Variants in SLC28A3 observed in about 807,000 individuals in gnomAD.
The protein encoded by SLC28A3 is concentrative Na(+)-nucleoside cotransporter 3.
A neutral mutation model predicts 84.2 loss-of-function variants in SLC28A3; 68 were observed. The ratio of observed to expected loss-of-function variants is 0.81; its 90% CI spans 0.66 to 0.99. The LOEUF (loss-of-function observed/expected upper bound fraction) is 0.99. Ranked by LOEUF, SLC28A3 falls within the 50% of genes least tolerant of loss-of-function variation. SLC28A3 has a pLI of 0.00. For missense variants in SLC28A3, 712 were observed against 841.5 expected (o/e 0.85, Z 1.90); for synonymous variants, 267 against 303.6 (o/e 0.88, Z 1.25).
At chr9:84,280,455 C>A (rs908410231) in intron 15 of SLC28A3, among the ~76,000 whole-genome samples, 6 of 152,196 alleles carry the variant, frequency 3.9e-5, no homozygotes, top group Non-Finnish European at 8.8e-5. Context: ...GTGGCAGACA[C>A]CACTAAGAAA....
chr9:84,279,697 C>A (rs140566165), intron 16 of SLC28A3, among the ~76,000 whole-genome samples: 1 of 152,236 alleles, frequency 6.6e-6, no homozygotes, highest in Non-Finnish European at 1.5e-5. Context: ...TCAGGTGACC[C>A]GCCCGCCTTG....
intron 17 of SLC28A3, among the ~76,000 whole-genome samples, chr9:84,279,023 T>G (rs946735601): frequency 6.6e-6 from 1 of 152,116 alleles, no homozygotes; most frequent in Non-Finnish European, 1.5e-5. Flanking sequence ...GCTAGCCTTA[T>G]CTGAGAAAAG....
intron 10 of SLC28A3, among the ~76,000 whole-genome samples, chr9:84,290,564 G>T (rs1014067577): frequency 6.6e-6 from 1 of 152,026 alleles, no homozygotes; most frequent in Non-Finnish European, 1.5e-5. Context: ...TCGACGTCTG[G>T]GTTATTTGAA....
intron 6 of SLC28A3, among the ~76,000 whole-genome samples, chr9:84,299,291 G>A (rs1325915917): frequency 1.3e-5 from 2 of 152,180 alleles, no homozygotes; most frequent in Admixed American, 6.5e-5. Flanking sequence ...AAATGGATGA[G>A]TTTTCTCTGT....
chr9:84,313,129 A>C (rs1826046200), intron 2 of SLC28A3, among the ~76,000 whole-genome samples: 1 of 152,186 alleles, frequency 6.6e-6, no homozygotes, highest in South Asian at 2.1e-4. Flanking sequence ...CTAATAGTGA[A>C]GTGATGCTTC....
intron 14 of SLC28A3, among the ~76,000 whole-genome samples, chr9:84,283,674 T>C (rs918890783): frequency 6.6e-6 from 1 of 152,232 alleles, no homozygotes; most frequent in Non-Finnish European, 1.5e-5. Flanking sequence ...GAGAAAGTGA[T>C]GCAATAAGGG....
At chr9:84,281,173 A>G (rs1185281223) in intron 14 of SLC28A3, among the ~76,000 whole-genome samples, 1 of 152,280 alleles carries the variant, frequency 6.6e-6, no homozygotes, top group African/African-American at 2.4e-5. Context: ...CTAATATTCC[A>G]TATGACCTGG....
At chr9:84,352,112 G>A in the SLC28A3 span, among the ~76,000 whole-genome samples, 1 of 152,034 alleles carries the variant, frequency 6.6e-6, no homozygotes, top group Non-Finnish European at 1.5e-5. Context: ...TATGTATGTG[G>A]ATAGTGAAAT....
At chr9:84,301,502 A>G (rs1005426094) in intron 5 of SLC28A3, among the ~76,000 whole-genome samples, 3 of 152,186 alleles carry the variant, frequency 2.0e-5, no homozygotes, top group Admixed American at 6.6e-5. Context: ...AATGAAAAAA[A>G]TTAAGTTTTA....
rs1280048314 is a variant in SLC28A3, at chr9:84,275,497, G to T, written c.*2721C>A. On this transcript the variant is annotated 3_prime_UTR_variant, in exon 18 of 18. Coordinates refer to ENST00000376238, the MANE Select transcript of SLC28A3 (RefSeq NM_001199633.2). ...CCAACAGCAACAATCTGTCAACAGT[G>T]AGCGGGCTCAAACAGCTGAAAAACA... 1.3e-5 allele frequency: 2 copies of T among 152,326 alleles called. No homozygotes were observed. Among genetic ancestry groups the T allele is most frequent in the Non-Finnish European group, 2.9e-5 (2 of 68,132 alleles). The allele number at this position is 152,326 out of a possible 1,614,324, so 9.4% of individuals were successfully genotyped here.
chr9:84,332,096 G>A (rs902261615), intron 1 of SLC28A3, among the ~76,000 whole-genome samples: 1 of 152,112 alleles, frequency 6.6e-6, no homozygotes, highest in Non-Finnish European at 1.5e-5. Flanking sequence ...CAATTTCAGG[G>A]GGAATAGAGA....
chr9:84,325,868 A>G (rs1029331395), intron 1 of SLC28A3, among the ~76,000 whole-genome samples: 5 of 152,158 alleles, frequency 3.3e-5, no homozygotes, highest in African/African-American at 1.2e-4. Flanking sequence ...ACTTTCAAAC[A>G]ACACAAGACA....
chr9:84,366,807 A>G, the SLC28A3 span, among the ~76,000 whole-genome samples: 21 of 152,300 alleles, frequency 1.4e-4, no homozygotes, highest in African/African-American at 5.1e-4. Context: ...CTCTGTGGCC[A>G]CCACCACTGT....
intron 8 of SLC28A3, 90 bp from the exon 9 acceptor site, chr9:84,294,365 C>T (rs952436975): frequency 2.5e-6 from 3 of 1,194,980 alleles, no homozygotes; most frequent in African/African-American, 1.5e-5. Context: ...TCCTTTTCTC[C>T]CTCTGAAACA....
chr9:84,358,624 T>C, the SLC28A3 span, among the ~76,000 whole-genome samples: 3 of 152,210 alleles, frequency 2.0e-5, no homozygotes, highest in Non-Finnish European at 2.9e-5. Context: ...TGATGGTCTA[T>C]GAAATTCTTG....
intron 4 of SLC28A3, among the ~76,000 whole-genome samples, chr9:84,303,042 T>A (rs1346458422): frequency 6.6e-6 from 1 of 152,158 alleles, no homozygotes; most frequent in Non-Finnish European, 1.5e-5. Context: ...TTGTGTGTTT[T>A]GAGAAATAAA....
rs545472756 is a variant in SLC28A3 at position 84,330,637 on chromosome 9, A to G, written c.60+9937T>C. The stretch of plus-strand genomic sequence containing the variant: ...CAACTTGATTATGAATCTACTTTTT[A>G]CAAATATACATTTTATGAAATCTAA... On this transcript the variant is annotated intron_variant, in intron 1 of 17. Coordinates refer to ENST00000376238, the MANE Select transcript of SLC28A3 (RefSeq NM_001199633.2). 6.0e-4 allele frequency among the ~76,000 whole-genome samples: 91 copies of G among 152,368 alleles called. 3 individuals are homozygous for G. The South Asian group carries it at 0.018, about 31-fold the overall frequency.
At chr9:84,359,014 G>T in the SLC28A3 span, among the ~76,000 whole-genome samples, 7 of 152,140 alleles carry the variant, frequency 4.6e-5, no homozygotes, top group African/African-American at 1.4e-4. Context: ...ATGTTGGCCA[G>T]GCTGGTCTCG....
chr9:84,330,240 TCAAGGAAAAAAGAAAC>T (rs1251251619), intron 1 of SLC28A3, among the ~76,000 whole-genome samples: 1 of 151,572 alleles, frequency 6.6e-6, no homozygotes, highest in Non-Finnish European at 1.5e-5. Context: ...CAAGGAAATG[TCAAGGAAAAAAGAAAC>T]CAAGGAAAAA....
Sources: gnomAD v4.1 joint callset for allele counts (sites outside exome capture counted in the v4.1 genomes callset) on GRCh38, gnomAD v4.1.1 for gene constraint, MANE v1.5 for transcripts, NCBI Gene and HGNC (gene_info 2026-07-23, HGNC 2026-07-21) for gene names.